MED19: variants seen among roughly 807,000 people sequenced by gnomAD.
The protein encoded by MED19 is mediator of RNA polymerase II transcription subunit 19.
Under a neutral mutation model 19.9 loss-of-function variants are expected in MED19, and 4 were observed. The observed-to-expected ratio is 0.20, with a 90% CI of 0.10 to 0.46. The LOEUF (loss-of-function observed/expected upper bound fraction) is 0.46. Ranked by LOEUF, MED19 falls within the 20% of genes least tolerant of loss-of-function variation. MED19 has a pLI of 0.99. For synonymous variants in MED19, 139 were observed against 119.6 expected, an observed-to-expected ratio of 1.16 and a Z score of -1.06; for missense variants, 303 against 318.7, an observed-to-expected ratio of 0.95 and a Z score of 0.38.
Position 57,704,669 on chromosome 11 carries a change from G to GTTTTTTTTT in MED19, c.571+41_571+49dup, listed in dbSNP as rs34198151. 1,099 of 1,286,582 alleles carry GTTTTTTTTT rather than the reference G, an allele frequency of 8.5e-4. 1 individual carries two copies. The highest frequency in any genetic ancestry group is 1.7e-3 in the South Asian group (123 of 70,450). The allele number at this position is 1,286,582 out of a possible 1,614,324, so 79.7% of individuals were successfully genotyped here. The stretch of plus-strand genomic sequence containing the variant: ...GTTCAAACCAGATTCAGAAGGTCAG[G>GTTTTTTTTT]TTTTTTTTTTTTTTTTTTTTTTTTT... On this transcript the variant is annotated intron_variant, in intron 3 of 4. Coordinates refer to ENST00000431606, the Ensembl canonical transcript of MED19.
At chr11:57,711,993 C>T (rs371610491) in exon 1 of MED19, 2 of 1,503,630 alleles carry the variant, frequency 1.3e-6, no homozygotes, top group African/African-American at 2.8e-5. Flanking sequence ...TAAAAAGGGC[C>T]ACAGCCAGCT....
At position 57,707,778 on chromosome 11, in the gene MED19, A is replaced by G. The variant is rs183169119; in HGVS notation, c.218-2549T>C. Among the ~76,000 whole-genome samples, 1,064 of 152,282 alleles carry G rather than the reference A, an allele frequency of 7.0e-3. 7 individuals carry two copies. Among genetic ancestry groups the G allele is most frequent in the Non-Finnish European group, 0.012 (829 of 68,018 alleles). The stretch of plus-strand genomic sequence containing the variant: ...TGAGAAGGCAGTCTGTGCTTTTTCT[A>G]AACTGTAACTTGAGAGTTCAAATTC... On this transcript the variant is annotated intron_variant, in intron 1 of 4. Coordinates refer to ENST00000431606, the Ensembl canonical transcript of MED19.
chr11:57,710,827 C>G (rs186649445), intron 1 of MED19, among the ~76,000 whole-genome samples: 1 of 152,210 alleles, frequency 6.6e-6, no homozygotes, highest in Non-Finnish European at 1.5e-5. Flanking sequence ...TCCTGAGTAG[C>G]TGGGGCTACA....
rs570467246 is a variant in MED19, at chr11:57,711,851, C to A, written c.217+112G>T. 9 of 1,197,666 alleles carry A rather than the reference C, an allele frequency of 7.5e-6. No individual in the cohort carries two copies. The East Asian group carries it at 2.8e-4, about 37-fold the overall frequency. The allele number at this position is 1,197,666 out of a possible 1,614,324, so 74.2% of individuals were successfully genotyped here. A position where few individuals can be genotyped will look rare whatever the true frequency, so the allele number is the denominator to read the frequency against. On this transcript the variant is annotated intron_variant, in intron 1 of 4. Coordinates refer to ENST00000431606, the Ensembl canonical transcript of MED19. ...GCTTCCGACTTAGGGCTCCACAGTC[C>A]GGGTATGCGTTGCCTAGGTTACCTC...
rs772542476 is a variant in MED19, at chr11:57,703,997, C to A, written c.*41G>T. The A allele has an allele frequency of 2.4e-5, 37 of 1,534,662 alleles. No homozygotes were observed. The South Asian group carries it at 4.3e-4, about 18-fold the overall frequency. ...GCAGCTTTTATCAGCAGGTTCAGTA[C>A]AGCAGGAAAAGCCATCCTGGCAAAG... On this transcript the variant is annotated 3_prime_UTR_variant, in exon 5 of 5. Transcript: ENST00000431606.
intron 1 of MED19, among the ~76,000 whole-genome samples, chr11:57,707,197 CAA>C (rs754457524): frequency 1.0e-3 from 59 of 57,870 alleles, no homozygotes; most frequent in African/African-American, 1.9e-3. Flanking sequence ...GATTCCATCT[CAA>C]AAAAAAAAAA....
intron 1 of MED19, among the ~76,000 whole-genome samples, chr11:57,705,683 A>G (rs1946501305): frequency 6.6e-6 from 1 of 151,938 alleles, no homozygotes; most frequent in Admixed American, 6.6e-5. Flanking sequence ...AAAAGTAAAT[A>G]ACATGAAAAG....
At chr11:57,710,579 T>C (rs1234894909) in intron 1 of MED19, among the ~76,000 whole-genome samples, 6 of 152,238 alleles carry the variant, frequency 3.9e-5, no homozygotes, top group African/African-American at 1.2e-4. Context: ...GTATCTACAA[T>C]TGTCTCTCCC....
intron 1 of MED19, among the ~76,000 whole-genome samples, chr11:57,706,736 A>AAAAC (rs1946512171): frequency 6.6e-6 from 1 of 152,078 alleles, no homozygotes; most frequent in Non-Finnish European, 1.5e-5. Context: ...CTGTCTCAAA[A>AAAAC]AAAACAAAAC....
At chr11:57,704,872 T>C in intron 2 of MED19, 57 bp from the exon 3 acceptor site, 1 of 1,609,836 alleles carries the variant, frequency 6.2e-7, no homozygotes, top group Admixed American at 1.7e-5. Context: ...CTCCTGCTCT[T>C]ATCATCCATT....
chr11:57,703,917 TG>T, exon 5 of MED19: 1 of 1,422,280 alleles, frequency 7.0e-7, no homozygotes, highest in South Asian at 1.5e-5. Context: ...CAACAGGAGC[TG>T]GCCTCTGTCC....
rs1202847544 is a variant in MED19, at chr11:57,712,063, TC to T, written c.116del (p.Gly39AspfsTer30). On this transcript the variant is annotated frameshift_variant, in exon 1 of 5. Transcript: ENST00000431606. LOFTEE classifies it high-confidence loss of function. ...CGGTGGGAGGCGGGGCCGTGCCGGG[TC>T]CCCCGCCCGCAGGAGGCGGTGGCGG... The T allele has an allele frequency of 6.5e-7, 1 of 1,530,458 alleles. No individual in the cohort carries two copies. The highest frequency in any genetic ancestry group is 8.8e-7 in the Non-Finnish European group (1 of 1,136,970). 94.8% of individuals were successfully genotyped at this position (1,530,458 alleles called of 1,614,324 possible).
chr11:57,710,371 A>T (rs181520174), intron 1 of MED19, among the ~76,000 whole-genome samples: 56 of 152,278 alleles, frequency 3.7e-4, no homozygotes, highest in East Asian at 1.2e-3. Flanking sequence ...CTATAAAAAA[A>T]TTTTTTAAAT....
intron 2 of MED19, 21 bp downstream of exon 2, chr11:57,704,952 T>G: frequency 6.2e-7 from 1 of 1,608,382 alleles, no homozygotes; most frequent in Non-Finnish European, 8.5e-7. Context: ...CCATTTGCCT[T>G]CTTCCTCCAA....
At chr11:57,705,483 T>C (rs1331625761) in intron 1 of MED19, among the ~76,000 whole-genome samples, 1 of 151,454 alleles carries the variant, frequency 6.6e-6, no homozygotes, top group Non-Finnish European at 1.5e-5. Flanking sequence ...TGAAACTCCG[T>C]CTCTAGTAAA....
At chr11:57,708,569 G>C (rs1474985250) in intron 1 of MED19, among the ~76,000 whole-genome samples, 1 of 152,208 alleles carries the variant, frequency 6.6e-6, no homozygotes, top group Non-Finnish European at 1.5e-5. Flanking sequence ...CCATTAGGTA[G>C]TTCTTAATAT....
chr11:57,704,460 T>C (rs1946483454), intron 3 of MED19, 64 bp from the exon 4 acceptor site: 1 of 1,537,866 alleles, frequency 6.5e-7, no homozygotes, highest in South Asian at 1.2e-5. Context: ...TATGAACCAC[T>C]GAAGACTACA....
chr11:57,705,896 ATTC>A (rs1433605861), intron 1 of MED19, among the ~76,000 whole-genome samples: 6 of 152,102 alleles, frequency 3.9e-5, no homozygotes, highest in African/African-American at 1.4e-4. Context: ...GAAAAATTAT[ATTC>A]TCTGACACAG....
intron 1 of MED19, among the ~76,000 whole-genome samples, chr11:57,708,263 T>C (rs1362362279): frequency 6.6e-6 from 1 of 152,166 alleles, no homozygotes; most frequent in African/African-American, 2.4e-5. Flanking sequence ...AGTTCACAAA[T>C]CTTAATGGTT....
Sources: gnomAD v4.1 joint callset for allele counts (sites outside exome capture counted in the v4.1 genomes callset) on GRCh38, gnomAD v4.1.1 for gene constraint, MANE v1.5 for transcripts, NCBI Gene and HGNC (gene_info 2026-07-23, HGNC 2026-07-21) for gene names.